PTPRD: variants seen among roughly 807,000 people sequenced by gnomAD.
PTPRD encodes receptor-type tyrosine-protein phosphatase delta.
PTPRD carries 34 observed loss-of-function variants against 214.5 expected under a neutral mutation model. That is an observed-to-expected ratio of 0.16 (90% CI 0.12 to 0.21). The LOEUF (loss-of-function observed/expected upper bound fraction) is 0.21, where lower values mean the gene tolerates loss of function less well. PTPRD is among the 10% of genes least tolerant of loss of function. The pLI, the probability that PTPRD is intolerant of heterozygous loss-of-function variation, is 1.00. For synonymous variants in PTPRD, 1,128 were observed against 845.7 expected, an observed-to-expected ratio of 1.33 and a Z score of -5.79; for missense variants, 2,545 against 2,398.7, an observed-to-expected ratio of 1.06 and a Z score of -1.27.
At chr9:10,267,008 G>A (rs2094111727) in intron 3 of PTPRD, among the ~76,000 whole-genome samples, 1 of 151,842 alleles carries the variant, frequency 6.6e-6, no homozygotes, top group Admixed American at 6.6e-5. Flanking sequence ...GGCTAACATG[G>A]TGAAACCCCG....
chr9:10,463,229 C>A (rs967682033), intron 2 of PTPRD, among the ~76,000 whole-genome samples: 11 of 152,008 alleles, frequency 7.2e-5, no homozygotes, highest in African/African-American at 2.7e-4. Flanking sequence ...GCTAGGATTA[C>A]AAGCTTTTTG....
At chr9:10,162,178 C>A (rs2154289815) in intron 3 of PTPRD, among the ~76,000 whole-genome samples, 1 of 151,570 alleles carries the variant, frequency 6.6e-6, no homozygotes, top group East Asian at 1.9e-4. Flanking sequence ...TAGGATCCAG[C>A]AATTCCACTG....
At chr9:8,791,772 A>T (rs1365880561) in intron 11 of PTPRD, among the ~76,000 whole-genome samples, 1 of 151,948 alleles carries the variant, frequency 6.6e-6, no homozygotes, top group Non-Finnish European at 1.5e-5. Context: ...TGGTGAAGAG[A>T]AGTCATTTTT....
intron 10 of PTPRD, among the ~76,000 whole-genome samples, chr9:9,137,808 C>T (rs1186263942): frequency 2.0e-5 from 3 of 152,108 alleles, no homozygotes; most frequent in African/African-American, 7.2e-5. Flanking sequence ...GTTGCACAAG[C>T]CACAAAGAGC....
intron 44 of PTPRD, among the ~76,000 whole-genome samples, chr9:8,323,585 A>G (rs555166029): frequency 6.7e-6 from 1 of 149,748 alleles, no homozygotes; most frequent in Admixed American, 6.7e-5. Context: ...TCAGTAGAGG[A>G]AGAAATTGCA....
intron 9 of PTPRD, among the ~76,000 whole-genome samples, chr9:9,357,538 A>G (rs1052763255): frequency 2.0e-5 from 3 of 151,202 alleles, no homozygotes; most frequent in African/African-American, 7.3e-5. Flanking sequence ...TGCAGCTTTC[A>G]GAAGACCTGA....
intron 5 of PTPRD, among the ~76,000 whole-genome samples, chr9:9,855,385 T>C (rs1260322361): frequency 1.3e-5 from 2 of 152,074 alleles, no homozygotes; most frequent in Non-Finnish European, 2.9e-5. Context: ...CCTTCTAAAA[T>C]AGCAGAGGCT....
intron 6 of PTPRD, among the ~76,000 whole-genome samples, chr9:9,755,419 G>T (rs558874190): frequency 6.6e-6 from 1 of 152,040 alleles, no homozygotes. Flanking sequence ...CGGTTTAAGG[G>T]TAGATTGTAT....
intron 2 of PTPRD, among the ~76,000 whole-genome samples, chr9:10,365,864 T>C (rs528880091): frequency 3.9e-5 from 6 of 152,308 alleles, no homozygotes; most frequent in South Asian, 2.1e-4. Context: ...TGGAAAATAT[T>C]TGTAGAAAGC....
At chr9:8,934,252 C>G (rs149522225) in intron 11 of PTPRD, among the ~76,000 whole-genome samples, 214 of 149,998 alleles carry the variant, frequency 1.4e-3, no homozygotes, top group African/African-American at 5.1e-3. Context: ...ATGAAAATAA[C>G]ATAAAATTAA....
At chr9:9,704,743 G>A (rs1052855755) in intron 7 of PTPRD, among the ~76,000 whole-genome samples, 1 of 152,176 alleles carries the variant, frequency 6.6e-6, no homozygotes, top group African/African-American at 2.4e-5. Flanking sequence ...TGCACATGAA[G>A]TGCTCTTGTT....
intron 7 of PTPRD, among the ~76,000 whole-genome samples, chr9:9,590,655 C>A (rs1208110843): frequency 6.6e-6 from 1 of 151,356 alleles, no homozygotes; most frequent in Non-Finnish European, 1.5e-5. Flanking sequence ...TTGTCTTTTT[C>A]ATAATAAAAT....
intron 2 of PTPRD, among the ~76,000 whole-genome samples, chr9:10,598,654 T>G (rs942674147): frequency 2.0e-5 from 3 of 147,306 alleles, no homozygotes; most frequent in Non-Finnish European, 3.0e-5. Flanking sequence ...TTAAATGTTT[T>G]GAACCATTTT....
At chr9:8,764,285 C>T (rs1388287849) in intron 11 of PTPRD, among the ~76,000 whole-genome samples, 1 of 152,104 alleles carries the variant, frequency 6.6e-6, no homozygotes, top group Admixed American at 6.6e-5. Flanking sequence ...TATGAAAAGG[C>T]TATTGCAAGA....
chr9:10,056,335 G>T (rs1442461708), intron 3 of PTPRD, among the ~76,000 whole-genome samples: 1 of 143,172 alleles, frequency 7.0e-6, no homozygotes, highest in African/African-American at 2.6e-5. Context: ...AAAAAAAAAA[G>T]TGTCTATTAA....
chr9:9,804,626 A>C (rs2099061860), intron 5 of PTPRD, among the ~76,000 whole-genome samples: 1 of 152,050 alleles, frequency 6.6e-6, no homozygotes, highest in African/African-American at 2.4e-5. Context: ...TTCATACATA[A>C]AATTTTAAAT....
At chr9:8,776,268 T>C (rs1428830215) in intron 11 of PTPRD, among the ~76,000 whole-genome samples, 1 of 152,182 alleles carries the variant, frequency 6.6e-6, no homozygotes, top group Non-Finnish European at 1.5e-5. Flanking sequence ...AATGGGATGT[T>C]GTCAAAGTTA....
intron 2 of PTPRD, among the ~76,000 whole-genome samples, chr9:10,596,041 A>G (rs552472230): frequency 1.3e-5 from 2 of 151,930 alleles, no homozygotes; most frequent in Admixed American, 6.6e-5. Flanking sequence ...CACCAGTTAT[A>G]TACACACAAA....
intron 11 of PTPRD, among the ~76,000 whole-genome samples, chr9:8,799,497 T>A (rs2096527516): frequency 6.6e-6 from 1 of 152,180 alleles, no homozygotes; most frequent in Non-Finnish European, 1.5e-5. Context: ...AGGAATGCAT[T>A]TGGTTGACAG....
Sources: allele counts gnomAD v4.1 joint callset (sites outside exome capture counted in the v4.1 genomes callset), GRCh38; gene constraint gnomAD v4.1.1; transcripts MANE v1.5; gene names NCBI Gene and HGNC (gene_info 2026-07-23, HGNC 2026-07-21).